Variants in SHISA9 observed in about 807,000 individuals in gnomAD.
The protein encoded by SHISA9 is protein shisa-9.
A neutral mutation model predicts 38.0 loss-of-function variants in SHISA9; 13 were observed. The ratio of observed to expected loss-of-function variants is 0.34; its 90% CI spans 0.22 to 0.54. SHISA9 has a LOEUF of 0.54. SHISA9 is among the 20% of genes least tolerant of loss of function. SHISA9 has a pLI of 0.91. For synonymous variants in SHISA9, 275 were observed against 242.0 expected (o/e 1.14, Z -1.27); for missense variants, 538 against 575.8 (o/e 0.93, Z 0.67).
intron 2 of SHISA9, among the ~76,000 whole-genome samples, chr16:13,149,801 G>A (rs553788125): frequency 8.6e-5 from 13 of 151,050 alleles, no homozygotes; most frequent in Non-Finnish European, 1.3e-4. Flanking sequence ...GGTGGGTGCC[G>A]GCAATCACAG....
chr16:13,373,906 G>T, the SHISA9 span, among the ~76,000 whole-genome samples: 2 of 152,204 alleles, frequency 1.3e-5, no homozygotes, highest in Admixed American at 1.3e-4. Context: ...ATGGTCACAG[G>T]TTGGGTTCCC....
intron 2 of SHISA9, among the ~76,000 whole-genome samples, chr16:13,034,199 A>T (rs2073026253): frequency 6.6e-6 from 1 of 151,950 alleles, no homozygotes; most frequent in Non-Finnish European, 1.5e-5. Flanking sequence ...ACCTATCCCA[A>T]GTAGAGAAGT....
intron 2 of SHISA9, among the ~76,000 whole-genome samples, chr16:13,151,809 G>A (rs1168373550): frequency 1.3e-5 from 2 of 152,186 alleles, no homozygotes; most frequent in Non-Finnish European, 2.9e-5. Context: ...TGAGAATGGA[G>A]CCATGGATTC....
chr16:13,137,486 T>G (rs1053614998), intron 2 of SHISA9, among the ~76,000 whole-genome samples: 2 of 151,626 alleles, frequency 1.3e-5, no homozygotes, highest in East Asian at 1.9e-4. Context: ...AGACAGAGTC[T>G]CAATCTGTTA....
chr16:13,382,176 T>A, the SHISA9 span, among the ~76,000 whole-genome samples: 1 of 152,184 alleles, frequency 6.6e-6, no homozygotes, highest in East Asian at 1.9e-4. Flanking sequence ...ATTTCTACAA[T>A]GAAGAATTTA....
intron 2 of SHISA9, among the ~76,000 whole-genome samples, chr16:13,070,292 C>T (rs2073497951): frequency 6.6e-6 from 1 of 152,138 alleles, no homozygotes. Context: ...CTCTGTGTCT[C>T]CCTCCCTCTC....
chr16:13,214,628 A>G (rs1465176556), intron 4 of SHISA9, among the ~76,000 whole-genome samples: 4 of 152,194 alleles, frequency 2.6e-5, no homozygotes, highest in Non-Finnish European at 5.9e-5. Flanking sequence ...AGACTGGGCA[A>G]TTTACAAAAG....
the SHISA9 span, among the ~76,000 whole-genome samples, chr16:13,275,917 TA>T: frequency 1.5e-4 from 23 of 151,840 alleles, no homozygotes; most frequent in Non-Finnish European, 2.6e-4. Flanking sequence ...TTTTTATTTT[TA>T]AAAAAAATTA....
At chr16:13,505,336 G>C in the SHISA9 span, among the ~76,000 whole-genome samples, 19 of 152,286 alleles carry the variant, frequency 1.2e-4, no homozygotes, top group Middle Eastern at 3.4e-3. Flanking sequence ...GCCCTTCTGG[G>C]GGCTTCGTAT....
intron 2 of SHISA9, among the ~76,000 whole-genome samples, chr16:12,975,773 C>T (rs2072153370): frequency 1.3e-5 from 2 of 151,738 alleles, no homozygotes; most frequent in African/African-American, 4.8e-5. Context: ...GGGAAGATGG[C>T]CCAGATATTT....
At chr16:13,056,076 C>T (rs1478688049) in intron 2 of SHISA9, among the ~76,000 whole-genome samples, 1 of 152,188 alleles carries the variant, frequency 6.6e-6, no homozygotes, top group Non-Finnish European at 1.5e-5. Context: ...CCAGCATGGA[C>T]CTCTGAGGGC....
the SHISA9 span, among the ~76,000 whole-genome samples, chr16:13,557,935 C>G: frequency 6.6e-6 from 1 of 152,146 alleles, no homozygotes; most frequent in Non-Finnish European, 1.5e-5. Flanking sequence ...TCTGCATGGA[C>G]ACACTTTTCT....
In SHISA9 at chr16:13,207,997, C is replaced by T. The variant is rs530352494; in HGVS notation, c.847+4448C>T. Reference sequence around the variant, plus strand: ...TTCACTGGTAAGCTCAAAAATACTTCTGGAAAATAAATTTCTCTGGGAAGC... The same window carrying T: ...TTCACTGGTAAGCTCAAAAATACTTTTGGAAAATAAATTTCTCTGGGAAGC... On this transcript the variant is annotated intron_variant, in intron 3 of 4. Transcript: ENST00000558583. Among the ~76,000 whole-genome samples the T allele has an allele frequency of 1.6e-4, 25 of 152,242 alleles. No homozygotes were observed. The Middle Eastern group carries it at 0.01, about 62-fold the overall frequency.
the SHISA9 span, among the ~76,000 whole-genome samples, chr16:13,463,768 C>T: frequency 1.1e-3 from 165 of 152,326 alleles, 1 homozygote; most frequent in Non-Finnish European, 1.9e-3. Context: ...GGCTAATCAG[C>T]AGGCAAAGAA....
chr16:12,932,485 G>C (rs2071473890), intron 2 of SHISA9, among the ~76,000 whole-genome samples: 1 of 152,200 alleles, frequency 6.6e-6, no homozygotes, highest in Non-Finnish European at 1.5e-5. Context: ...GGGATTACAG[G>C]TGAGCGCCAC....
chr16:13,513,083 T>C, the SHISA9 span, among the ~76,000 whole-genome samples: 1 of 152,176 alleles, frequency 6.6e-6, no homozygotes, highest in East Asian at 1.9e-4. Context: ...ACCTACAGAA[T>C]GGGAGAAATA....
the SHISA9 span, among the ~76,000 whole-genome samples, chr16:13,405,252 A>G: frequency 2.0e-5 from 3 of 152,334 alleles, no homozygotes; most frequent in East Asian, 5.8e-4. Context: ...TGCAAAAGAA[A>G]CCCAGTCCTA....
chr16:12,932,649 T>C (rs534455995), intron 2 of SHISA9, among the ~76,000 whole-genome samples: 7 of 152,220 alleles, frequency 4.6e-5, no homozygotes, highest in Admixed American at 2.0e-4. Context: ...GCCTGGGTTA[T>C]CTAGATCTTA....
chr16:12,935,547 C>G (rs574230644), intron 2 of SHISA9, among the ~76,000 whole-genome samples: 2 of 151,996 alleles, frequency 1.3e-5, no homozygotes, highest in Admixed American at 6.6e-5. Flanking sequence ...GAAGGAAAAT[C>G]GAATAATTAG....
Sources: allele counts gnomAD v4.1 joint callset (sites outside exome capture counted in the v4.1 genomes callset), GRCh38; gene constraint gnomAD v4.1.1; transcripts MANE v1.5; gene names NCBI Gene and HGNC (gene_info 2026-07-23, HGNC 2026-07-21).